Variants in AFF2 observed in about 807,000 individuals in gnomAD.
AFF2 encodes AF4/FMR2 family member 2.
A neutral mutation model predicts 76.9 loss-of-function variants in AFF2; 14 were observed. The ratio of observed to expected loss-of-function variants is 0.18; its 90% CI spans 0.12 to 0.28. The LOEUF is 0.28. Ranked by LOEUF, AFF2 falls within the 10% of genes least tolerant of loss-of-function variation. The pLI, the probability that AFF2 is intolerant of heterozygous loss-of-function variation, is 1.00. For missense variants in AFF2, 868 were observed against 1,001.1 expected, an observed-to-expected ratio of 0.87 and a Z score of 1.79; for synonymous variants, 398 against 366.7, an observed-to-expected ratio of 1.09 and a Z score of -0.98.
At chrX:148,514,236 AAAG>A (rs781962725) in intron 1 of AFF2, among the ~76,000 whole-genome samples, 8 of 112,079 alleles carry the variant, frequency 7.1e-5, no homozygotes, top group Non-Finnish European at 1.3e-4. Flanking sequence ...AGAGGAAAAA[AAAG>A]AAGAAGAAAA....
chrX:148,564,110 G>A (rs1405305412), intron 1 of AFF2, among the ~76,000 whole-genome samples: 1 of 112,080 alleles, frequency 8.9e-6, no homozygotes, highest in African/African-American at 3.2e-5. Flanking sequence ...CAGACATGCT[G>A]TAGATCACTT....
intron 1 of AFF2, among the ~76,000 whole-genome samples, chrX:148,520,554 C>A (rs1490216947): frequency 8.9e-6 from 1 of 111,991 alleles, no homozygotes; most frequent in African/African-American, 3.3e-5. Context: ...ACTGGCCCAG[C>A]TGTTCTTTCT....
chrX:148,750,145 T>G (rs1361294914), intron 3 of AFF2, among the ~76,000 whole-genome samples: 7 of 109,631 alleles, frequency 6.4e-5, no homozygotes, highest in East Asian at 2.9e-4. Context: ...TTTTTTTGTA[T>G]TTTTAGTAGA....
chrX:148,889,003 T>C (rs1557279420), intron 8 of AFF2, among the ~76,000 whole-genome samples: 1 of 111,716 alleles, frequency 9.0e-6, no homozygotes, highest in Non-Finnish European at 1.9e-5. Context: ...GCCATTTACT[T>C]TCTGGAGACG....
intron 9 of AFF2, among the ~76,000 whole-genome samples, chrX:148,926,999 C>T (rs1363020553): frequency 2.7e-5 from 3 of 112,101 alleles, no homozygotes; most frequent in African/African-American, 9.7e-5. Flanking sequence ...AGACCTAAGG[C>T]GTCACTTTCT....
At chrX:148,752,263 G>A (rs1386116538) in intron 3 of AFF2, among the ~76,000 whole-genome samples, 1 of 111,931 alleles carries the variant, frequency 8.9e-6, no homozygotes, top group Non-Finnish European at 1.9e-5. Flanking sequence ...TGACAACAGA[G>A]CAAACAAGTT....
intron 1 of AFF2, among the ~76,000 whole-genome samples, chrX:148,588,189 G>C (rs781986775): frequency 8.9e-6 from 1 of 112,913 alleles, no homozygotes; most frequent in Non-Finnish European, 1.9e-5. Flanking sequence ...AAATGTCAAC[G>C]TTAATCCAGA....
chrX:148,710,024 A>G (rs782091313), intron 3 of AFF2, among the ~76,000 whole-genome samples: 2 of 112,051 alleles, frequency 1.8e-5, no homozygotes, highest in African/African-American at 6.5e-5. Flanking sequence ...TGATGATCAC[A>G]GAACCTAGAA....
At position 148,715,886 on chromosome X, in the gene AFF2, C is replaced by G. The variant is rs782774855; in HGVS notation, c.1041+53118C>G. Among the ~76,000 whole-genome samples the G allele has an allele frequency of 1.7e-3, 195 of 111,760 alleles. 2 individuals carry two copies. Among genetic ancestry groups the G allele is most frequent in the South Asian group, 4.1e-3 (11 of 2,686 alleles). The stretch of plus-strand genomic sequence containing the variant: ...GAATACAGGAATACATGATTAAACA[C>G]AAACACTACAGATAAGCCTCAAGTG... On this transcript the variant is annotated intron_variant, in intron 3 of 20. Coordinates refer to ENST00000370460, the MANE Select transcript of AFF2 (RefSeq NM_002025.4).
intron 3 of AFF2, among the ~76,000 whole-genome samples, chrX:148,773,705 A>AGAAAGAAAG (rs2069625702): frequency 1.1e-5 from 1 of 92,753 alleles, no homozygotes; most frequent in Non-Finnish European, 2.0e-5. Flanking sequence ...AAAGAAAGAA[A>AGAAAGAAAG]GAAAGAAAGA....
intron 7 of AFF2, among the ~76,000 whole-genome samples, chrX:148,877,107 G>A: frequency 8.9e-6 from 1 of 112,093 alleles, no homozygotes. Flanking sequence ...TTTGGTGTGT[G>A]GGACAAGAGT....
intron 3 of AFF2, among the ~76,000 whole-genome samples, chrX:148,780,418 C>G (rs183798245): frequency 9.8e-5 from 11 of 111,870 alleles, no homozygotes; most frequent in African/African-American, 3.6e-4. Context: ...TCACATAGTT[C>G]CATATTTCTT....
chrX:148,714,215 A>G (rs982961276), intron 3 of AFF2, among the ~76,000 whole-genome samples: 2 of 112,302 alleles, frequency 1.8e-5, no homozygotes, highest in Non-Finnish European at 3.8e-5. Flanking sequence ...GACATGTTGT[A>G]TCTTAATTGA....
intron 19 of AFF2, among the ~76,000 whole-genome samples, chrX:148,981,784 T>C (rs782552508): frequency 2.7e-5 from 3 of 112,449 alleles, no homozygotes; most frequent in South Asian, 3.7e-4. Flanking sequence ...AATAAAACAG[T>C]CTCTACTGCC....
At chrX:148,868,898 T>C (rs1212488856) in intron 7 of AFF2, among the ~76,000 whole-genome samples, 1 of 112,198 alleles carries the variant, frequency 8.9e-6, no homozygotes, top group African/African-American at 3.2e-5. Flanking sequence ...ACTAACCCCA[T>C]GTTTAAGGGC....
chrX:148,779,849 C>G (rs1255531334), intron 3 of AFF2, among the ~76,000 whole-genome samples: 1 of 112,042 alleles, frequency 8.9e-6, no homozygotes, highest in Non-Finnish European at 1.9e-5. Context: ...TGTTGATGGT[C>G]TTTACATTTT....
intron 1 of AFF2, among the ~76,000 whole-genome samples, chrX:148,641,636 G>A (rs1363112215): frequency 9.0e-6 from 1 of 111,669 alleles, no homozygotes; most frequent in African/African-American, 3.3e-5. Context: ...TGAAGTAAAG[G>A]TGTTGGCAGG....
intron 4 of AFF2, among the ~76,000 whole-genome samples, chrX:148,814,396 A>G (rs2070239835): frequency 8.9e-6 from 1 of 112,454 alleles, no homozygotes. Flanking sequence ...TCAAGAAACT[A>G]TGAAATCCTT....
At chrX:148,964,434 A>C (rs1314536502) in intron 13 of AFF2, among the ~76,000 whole-genome samples, 3 of 111,983 alleles carry the variant, frequency 2.7e-5, no homozygotes, top group Non-Finnish European at 5.6e-5. Flanking sequence ...AAGTGGATGA[A>C]GAAAATGTGG....
Sources: allele counts gnomAD v4.1 joint callset (sites outside exome capture counted in the v4.1 genomes callset), GRCh38; gene constraint gnomAD v4.1.1; transcripts MANE v1.5; gene names NCBI Gene and HGNC (gene_info 2026-07-23, HGNC 2026-07-21).